PTPRK: variants seen among roughly 807,000 people sequenced by gnomAD.
The protein encoded by PTPRK is receptor-type tyrosine-protein phosphatase kappa.
A neutral mutation model predicts 178.0 loss-of-function variants in PTPRK; 75 were observed. That is an observed-to-expected ratio of 0.42 (90% confidence interval 0.35 to 0.51). The LOEUF is 0.51. Ranked by LOEUF, PTPRK falls within the 20% of genes least tolerant of loss-of-function variation. PTPRK has a pLI of 0.02. For missense variants in PTPRK, 1,441 were observed against 1,797.8 expected (o/e 0.80, Z 3.59); for synonymous variants, 637 against 620.6 (o/e 1.03, Z -0.39).
Position 128,254,486 on chromosome 6 carries a change from C to T in PTPRK, c.496-11884G>A, listed in dbSNP as rs569330429. Among the ~76,000 whole-genome samples the T allele has an allele frequency of 5.8e-3, 879 of 152,096 alleles. 5 individuals are homozygous for T. Among genetic ancestry groups the T allele is most frequent in the Middle Eastern group, 0.014 (4 of 292 alleles). ...CGACTAAAAATAATGGGTGCAAACA[C>T]ACAAATATGCATATCTATATTTGTC... On this transcript the variant is annotated intron_variant, in intron 3 of 29. Coordinates refer to ENST00000368226, the MANE Select transcript of PTPRK (RefSeq NM_002844.4).
At chr6:128,510,592 A>G (rs1857027485) in intron 1 of PTPRK, among the ~76,000 whole-genome samples, 1 of 152,170 alleles carries the variant, frequency 6.6e-6, no homozygotes, top group Admixed American at 6.5e-5. Flanking sequence ...TTTGCTTTCT[A>G]TTAAAAATAA....
In PTPRK at chr6:128,387,779, G is replaced by C. The variant is rs180870631; in HGVS notation, c.223+9787C>G. Among the ~76,000 whole-genome samples the C allele has an allele frequency of 2.0e-3, 301 of 152,138 alleles. 1 individual carries two copies. The highest frequency in any genetic ancestry group is 7.1e-3 in the African/African-American group (293 of 41,522). On this transcript the variant is annotated intron_variant, in intron 2 of 29. Coordinates refer to ENST00000368226, the MANE Select transcript of PTPRK (RefSeq NM_002844.4). ...TTAGAAAGATAAGGTAAGCTTACTA[G>C]GGGTAGGAAGATACTGCATATGTAA...
intron 7 of PTPRK, among the ~76,000 whole-genome samples, chr6:128,095,697 G>C (rs1178541828): frequency 1.3e-5 from 2 of 152,170 alleles, no homozygotes; most frequent in Non-Finnish European, 2.9e-5. Flanking sequence ...AAAGTCAGGG[G>C]CTAGGGGGAG....
At chr6:127,977,493 G>A (rs1774739112) in intron 25 of PTPRK, among the ~76,000 whole-genome samples, 1 of 152,188 alleles carries the variant, frequency 6.6e-6, no homozygotes, top group South Asian at 2.1e-4. Context: ...ATCTGGGTAT[G>A]TGTATAGTGT....
At position 128,228,211 on chromosome 6, in the gene PTPRK, G is replaced by GA. The variant is rs553912120; in HGVS notation, c.694-9116dup. Reference sequence around the variant, plus strand: ...AACAGATGATTCCTGAATAATGAGTGAAAAAGGGGTAATTTTTAATGTTTA... The same window carrying GA: ...AACAGATGATTCCTGAATAATGAGTGAAAAAAGGGGTAATTTTTAATGTTTA... On this transcript the variant is annotated intron_variant, in intron 5 of 29. Transcript: ENST00000368226. 4.7e-4 allele frequency among the ~76,000 whole-genome samples: 72 copies of GA among 151,800 alleles called. 1 individual carries two copies. The highest frequency in any genetic ancestry group is 1.7e-3 in the African/African-American group (69 of 41,422).
chr6:128,111,807 A>G (rs1299758442), intron 7 of PTPRK, among the ~76,000 whole-genome samples: 4 of 151,934 alleles, frequency 2.6e-5, no homozygotes, highest in South Asian at 2.1e-4. Context: ...ATGGGTATGG[A>G]TCTCGCATTT....
intron 2 of PTPRK, among the ~76,000 whole-genome samples, chr6:128,392,099 C>T (rs1373861686): frequency 6.6e-6 from 1 of 152,000 alleles, no homozygotes; most frequent in East Asian, 1.9e-4. Flanking sequence ...ACATTCTCAC[C>T]CCTACCCCTT....
At chr6:128,256,150 A>C (rs998862745) in intron 3 of PTPRK, among the ~76,000 whole-genome samples, 2 of 152,224 alleles carry the variant, frequency 1.3e-5, no homozygotes, top group Non-Finnish European at 1.5e-5. Flanking sequence ...AGAAGAGATA[A>C]GCATGGTAGG....
chr6:128,131,369 A>T (rs1393467698), intron 7 of PTPRK, among the ~76,000 whole-genome samples: 1 of 152,176 alleles, frequency 6.6e-6, no homozygotes, highest in East Asian at 1.9e-4. Context: ...TGCCTGACTT[A>T]ATAAAAATCT....
intron 6 of PTPRK, among the ~76,000 whole-genome samples, chr6:128,192,555 C>T (rs930805663): frequency 1.3e-5 from 2 of 152,128 alleles, no homozygotes; most frequent in East Asian, 1.9e-4. Flanking sequence ...AGCAGTGGCT[C>T]ATGCCTGTAA....
intron 13 of PTPRK, among the ~76,000 whole-genome samples, chr6:128,023,276 C>A (rs1773798681): frequency 6.6e-6 from 1 of 152,172 alleles, no homozygotes; most frequent in South Asian, 2.1e-4. Context: ...TTAGAAACTT[C>A]AAGCTGAAGT....
intron 7 of PTPRK, among the ~76,000 whole-genome samples, chr6:128,124,385 TTAA>T (rs1428470626): frequency 6.6e-6 from 1 of 152,120 alleles, no homozygotes; most frequent in Non-Finnish European, 1.5e-5. Flanking sequence ...TCCTTAGTCC[TTAA>T]TCATATAAAC....
chr6:128,497,725 GTTCTC>G (rs1440802352), intron 1 of PTPRK, among the ~76,000 whole-genome samples: 4 of 150,164 alleles, frequency 2.7e-5, no homozygotes, highest in African/African-American at 9.8e-5. Context: ...GATGAGCTCT[GTTCTC>G]TTAATTTGGA....
At position 128,028,106 on chromosome 6, in the gene PTPRK, C is replaced by T. The variant is rs567158425; in HGVS notation, c.2195-18838G>A. ...AAGATTTCAGGGAAAATGAAAATGA[C>T]GAATATAAATTATACTGCACACACT... On this transcript the variant is annotated intron_variant, in intron 13 of 29. Transcript: ENST00000368226. 4.5e-4 allele frequency among the ~76,000 whole-genome samples: 68 copies of T among 152,146 alleles called. 2 individuals carry two copies. The highest frequency in any genetic ancestry group is 3.9e-3 in the South Asian group (19 of 4,824).
At chr6:128,068,885 T>C (rs1782303966) in intron 11 of PTPRK, among the ~76,000 whole-genome samples, 1 of 151,248 alleles carries the variant, frequency 6.6e-6, no homozygotes, top group African/African-American at 2.4e-5. Flanking sequence ...AGGAACAGAA[T>C]ACATTCTTTA....
At chr6:128,479,712 A>T (rs1358386350) in intron 1 of PTPRK, among the ~76,000 whole-genome samples, 2 of 152,164 alleles carry the variant, frequency 1.3e-5, no homozygotes, top group African/African-American at 4.8e-5. Context: ...GCTCGTTGAA[A>T]GCAGAATTAA....
chr6:128,128,585 T>C (rs557209350), intron 7 of PTPRK, among the ~76,000 whole-genome samples: 9 of 152,354 alleles, frequency 5.9e-5, no homozygotes, highest in African/African-American at 1.7e-4. Context: ...AGAGTACTTG[T>C]GTATTCACAG....
intron 7 of PTPRK, among the ~76,000 whole-genome samples, chr6:128,120,543 G>A (rs1466748293): frequency 6.6e-6 from 1 of 151,974 alleles, no homozygotes; most frequent in Non-Finnish European, 1.5e-5. Context: ...CCAGAAACCA[G>A]GGAAGATTAA....
At chr6:128,482,189 C>T (rs2128424448) in intron 1 of PTPRK, among the ~76,000 whole-genome samples, 1 of 152,252 alleles carries the variant, frequency 6.6e-6, no homozygotes, top group Admixed American at 6.5e-5. Context: ...TGTTGGAAAA[C>T]ATTCCCCAGA....
Sources: allele counts gnomAD v4.1 joint callset (sites outside exome capture counted in the v4.1 genomes callset), GRCh38; gene constraint gnomAD v4.1.1; transcripts MANE v1.5; gene names NCBI Gene and HGNC (gene_info 2026-07-23, HGNC 2026-07-21).